TRAPPC3L: variants seen among roughly 807,000 people sequenced by gnomAD.
The protein encoded by TRAPPC3L is trafficking protein particle complex subunit 3L.
A neutral mutation model predicts 23.7 loss-of-function variants in TRAPPC3L; 23 were observed. That is an observed-to-expected ratio of 0.97 (90% CI 0.70 to 1.37). TRAPPC3L has a LOEUF of 1.37. TRAPPC3L is among the 40% of genes most tolerant of loss of function. The probability of loss-of-function intolerance (pLI) is 0.00; values close to 1 mark genes in which losing one functional copy is unlikely to be tolerated. For missense variants in TRAPPC3L, 212 were observed against 216.8 expected, an observed-to-expected ratio of 0.98 and a Z score of 0.14; for synonymous variants, 81 against 77.9, an observed-to-expected ratio of 1.04 and a Z score of -0.21.
intron 3 of TRAPPC3L, among the ~76,000 whole-genome samples, chr6:116,533,229 G>T (rs1285334641): frequency 2.0e-5 from 3 of 152,222 alleles, no homozygotes; most frequent in African/African-American, 7.2e-5. Flanking sequence ...ATAGTCATTG[G>T]AGGGATTGAG....
Position 116,540,399 on chromosome 6 carries a change from G to A in TRAPPC3L, c.204C>T (p.Cys68=). The change falls in exon 3 of 5, where the codon TGC becomes TGT. Residue 68 remains cysteine (C), a synonymous_variant. Coordinates refer to ENST00000368602, the MANE Select transcript of TRAPPC3L (RefSeq NM_001139444.3). The part of the protein sequence containing the change: ...DFLARSCVGR[C]HSYSEIIDII... Reference sequence around the variant, plus strand: ...TGTCTATAATTTCTGAATAACTATGGCATCTTCCCACGCAGGATCGAGCCA... The same window carrying A: ...TGTCTATAATTTCTGAATAACTATGACATCTTCCCACGCAGGATCGAGCCA... 23 of 1,551,208 alleles carry A rather than the reference G, an allele frequency of 1.5e-5. No individual in the cohort carries two copies. The highest frequency in any genetic ancestry group is 1.9e-5 in the Non-Finnish European group (22 of 1,146,708).
In TRAPPC3L at chr6:116,500,558, C is replaced by A. The variant is rs1225282212; in HGVS notation, c.349G>T (p.Glu117Ter). Reference protein sequence around the residue: ...LEKNPLVEFVEELPAGRSSLC... With the variant: ...LEKNPLVEFV Reference sequence around the variant, plus strand: ...GAAGATCGCCCAGCAGGGAGCTCTTCCACAAACTCCACCAGGGGATTCTTC... The same window carrying A: ...GAAGATCGCCCAGCAGGGAGCTCTTACACAAACTCCACCAGGGGATTCTTC... The change falls in exon 4 of 5, where the codon GAA becomes TAA. Residue 117 changes from glutamate to a stop codon, truncating the protein, a stop_gained. Coordinates refer to ENST00000368602, the MANE Select transcript of TRAPPC3L (RefSeq NM_001139444.3). LOFTEE classifies it high-confidence loss of function. 4 of 1,551,548 alleles carry A rather than the reference C, an allele frequency of 2.6e-6. No individual in the cohort carries two copies. In the African/African-American group the frequency reaches 4.1e-5, roughly 16 times the overall value.
At chr6:116,517,584 G>A (rs941415926) in intron 3 of TRAPPC3L, 25 of 152,074 alleles carry the variant, frequency 1.6e-4, no homozygotes, top group African/African-American at 4.6e-4. Flanking sequence ...ACAAGTATAG[G>A]ACCCAGAACA....
intron 3 of TRAPPC3L, among the ~76,000 whole-genome samples, chr6:116,527,964 T>TA (rs907317920): frequency 8.1e-4 from 123 of 152,242 alleles, no homozygotes; most frequent in African/African-American, 2.8e-3. Flanking sequence ...AAGTAAAATT[T>TA]AAAAAAACTT....
rs188564942 is a variant in TRAPPC3L at position 116,536,193 on chromosome 6, A to C, written c.240+4170T>G. On this transcript the variant is annotated intron_variant, in intron 3 of 4. Coordinates refer to ENST00000368602, the MANE Select transcript of TRAPPC3L (RefSeq NM_001139444.3). ...TAAAATTCTGTTTTAAAAATGGATG[A>C]ATTTTAATGTTGTAGGAATGAGACT... Among the ~76,000 whole-genome samples the C allele has an allele frequency of 1.7e-3, 264 of 152,306 alleles. 2 individuals carry two copies. The highest frequency in any genetic ancestry group is 5.8e-3 in the African/African-American group (239 of 41,564).
chr6:116,525,333 A>G (rs1772425680), intron 3 of TRAPPC3L, among the ~76,000 whole-genome samples: 1 of 152,142 alleles, frequency 6.6e-6, no homozygotes, highest in African/African-American at 2.4e-5. Context: ...CATCCTGAAC[A>G]GCTTTTCACC....
chr6:116,538,148 T>C (rs901585516), intron 3 of TRAPPC3L, among the ~76,000 whole-genome samples: 4 of 152,336 alleles, frequency 2.6e-5, no homozygotes, highest in Middle Eastern at 3.4e-3. Flanking sequence ...TTAAAATGAA[T>C]ATGTGGAATT....
chr6:116,545,191 C>A (rs922935569), intron 1 of TRAPPC3L, among the ~76,000 whole-genome samples: 1 of 151,128 alleles, frequency 6.6e-6, no homozygotes, highest in Admixed American at 6.6e-5. Context: ...GAAAAAATTG[C>A]TAATATTTTC....
chr6:116,502,124 T>C (rs972695836), intron 3 of TRAPPC3L, among the ~76,000 whole-genome samples: 2 of 152,010 alleles, frequency 1.3e-5, no homozygotes, highest in African/African-American at 2.4e-5. Flanking sequence ...GTAAAAACCT[T>C]GAAAAAAGGT....
intron 3 of TRAPPC3L, among the ~76,000 whole-genome samples, chr6:116,506,838 G>A (rs1198527164): frequency 6.6e-6 from 1 of 152,122 alleles, no homozygotes; most frequent in Admixed American, 6.6e-5. Context: ...CACAGGTAGG[G>A]GAGCATCACA....
intron 4 of TRAPPC3L, 155 bp from the exon 5 acceptor site, chr6:116,497,228 G>C (rs981197539): frequency 2.2e-6 from 2 of 894,020 alleles, no homozygotes; most frequent in African/African-American, 3.5e-5. Context: ...AGTGTCCTCC[G>C]GAGATGGTCC....
chr6:116,499,019 T>C (rs566975122), intron 4 of TRAPPC3L, among the ~76,000 whole-genome samples: 1 of 152,348 alleles, frequency 6.6e-6, no homozygotes, highest in East Asian at 1.9e-4. Flanking sequence ...AACTGCTTGC[T>C]GGATAGCCTC....
chr6:116,521,179 AT>A (rs1378973035), intron 3 of TRAPPC3L: 2 of 152,094 alleles, frequency 1.3e-5, no homozygotes, highest in African/African-American at 4.8e-5. Context: ...ATAACAAAAC[AT>A]GACAAATATA....
rs574493373 is a variant in TRAPPC3L, at chr6:116,524,390, A to G, written c.240+15973T>C. On this transcript the variant is annotated intron_variant, in intron 3 of 4. Coordinates refer to ENST00000368602, the MANE Select transcript of TRAPPC3L (RefSeq NM_001139444.3). Reference sequence around the variant, plus strand: ...ATCACCCCCTGCTTAGCTGGAGTTTACCTTCTAGTATCATTCTCAGCAAAG... The same window carrying G: ...ATCACCCCCTGCTTAGCTGGAGTTTGCCTTCTAGTATCATTCTCAGCAAAG... The G allele has an allele frequency of 2.0e-5, 3 of 152,302 alleles. No homozygotes were observed. The South Asian group carries it at 6.2e-4, about 32-fold the overall frequency. 9.4% of individuals were successfully genotyped at this position (152,302 alleles called of 1,614,324 possible).
intron 3 of TRAPPC3L, chr6:116,519,108 G>A (rs1772284091): frequency 6.6e-6 from 1 of 152,258 alleles, no homozygotes; most frequent in Non-Finnish European, 1.5e-5. Context: ...AGGATGAACT[G>A]GCTTTGATAG....
chr6:116,505,286 A>T (rs1771983772), intron 3 of TRAPPC3L, among the ~76,000 whole-genome samples: 1 of 152,214 alleles, frequency 6.6e-6, no homozygotes, highest in South Asian at 2.1e-4. Context: ...AAAGTGAATA[A>T]AATACCTAGG....
Position 116,496,889 on chromosome 6 carries a change from T to C in TRAPPC3L, c.*65A>G, listed in dbSNP as rs1771840287. 6.9e-6 allele frequency: 10 copies of C among 1,459,838 alleles called. No individual in the cohort carries two copies. The highest frequency in any genetic ancestry group is 8.1e-6 in the Non-Finnish European group (9 of 1,111,940). 90.4% of individuals were successfully genotyped at this position (1,459,838 alleles called of 1,614,324 possible). On this transcript the variant is annotated 3_prime_UTR_variant, in exon 5 of 5. Transcript: ENST00000368602. ...GCTATGAAGCAATTCAAAATTTCTA[T>C]GTCTATACATGTTTAGCTAACATTA...
At chr6:116,524,079 GT>G (rs1772398415) in intron 3 of TRAPPC3L, 1 of 152,132 alleles carries the variant, frequency 6.6e-6, no homozygotes, top group South Asian at 2.1e-4. Flanking sequence ...GCCGATTTAT[GT>G]TTTTTAAAAA....
intron 3 of TRAPPC3L, chr6:116,512,403 C>G (rs1206296752): frequency 2.7e-6 from 2 of 752,558 alleles, no homozygotes; most frequent in East Asian, 5.4e-5. Flanking sequence ...TTTTGAAAGG[C>G]TGGGTGGCTC....
Sources: allele counts gnomAD v4.1 joint callset (sites outside exome capture counted in the v4.1 genomes callset), GRCh38; gene constraint gnomAD v4.1.1; transcripts MANE v1.5; gene names NCBI Gene and HGNC (gene_info 2026-07-23, HGNC 2026-07-21).